MGAM: variants seen among roughly 807,000 people sequenced by gnomAD.
The protein encoded by MGAM is maltase-glucoamylase, also known as alpha-1,4-glucosidase.
Under a neutral mutation model 358.8 loss-of-function variants are expected in MGAM, and 253 were observed. That is an observed-to-expected ratio of 0.71 (90% CI 0.64 to 0.78). The LOEUF (loss-of-function observed/expected upper bound fraction) is 0.78, where lower values mean the gene tolerates loss of function less well. Ranked by LOEUF, MGAM falls within the 30% of genes least tolerant of loss-of-function variation. MGAM has a pLI of 0.00. For synonymous variants in MGAM, 1,105 were observed against 1,227.1 expected (o/e 0.90, Z 2.08); for missense variants, 3,080 against 3,432.6 (o/e 0.90, Z 2.57).
intron 16 of MGAM, 34 bp downstream of exon 16, chr7:142,034,875 G>A: frequency 6.3e-7 from 1 of 1,577,498 alleles, no homozygotes; most frequent in South Asian, 1.1e-5. Context: ...TTATGAACCT[G>A]AATTCCCAGG....
chr7:142,078,999 A>G lies in MGAM; in HGVS notation c.5838A>G (p.Leu1946=), dbSNP rs2129051527. 12 of 1,552,736 alleles carry G rather than the reference A, an allele frequency of 7.7e-6. 2 individuals carry two copies. Among genetic ancestry groups the G allele is most frequent in the East Asian group, 6.8e-5 (3 of 43,906 alleles). ...LDVTYHKNEM[L]QFKIYDPNNN... is the part of the protein sequence containing the mutation. ...TCACTTACCATAAGAATGAAATGCT[A>G]CAGTTCAAGGTAAACACGGTACATA... is the stretch of plus-strand genomic sequence containing the variant. Residue 1946 remains leucine, a synonymous_variant, in exon 49 of 71, where the codon CTA becomes CTG. Coordinates refer to ENST00000475668, the MANE Select transcript of MGAM (RefSeq NM_001365693.1).
intron 24 of MGAM, among the ~76,000 whole-genome samples, chr7:142,051,512 T>C (rs1810948649): frequency 1.3e-5 from 2 of 152,126 alleles, no homozygotes; most frequent in Admixed American, 6.5e-5. Flanking sequence ...TTTAAAGAAG[T>C]GTCAAGATAA....
At chr7:142,022,867 A>C (rs146862808) in intron 7 of MGAM, among the ~76,000 whole-genome samples, 5 of 152,328 alleles carry the variant, frequency 3.3e-5, no homozygotes, top group African/African-American at 1.2e-4. Flanking sequence ...CAGGTTTATC[A>C]TCACAATAGG....
chr7:142,017,888 A>G (rs79308131), intron 3 of MGAM, among the ~76,000 whole-genome samples: 2 of 152,018 alleles, frequency 1.3e-5, no homozygotes, highest in African/African-American at 2.4e-5. Context: ...CAGAGTATAG[A>G]AAAAAAAGAA....
intron 34 of MGAM, 90 bp downstream of exon 34, chr7:142,060,463 C>T: frequency 6.8e-7 from 1 of 1,476,772 alleles, no homozygotes. Flanking sequence ...GTACCGTGGA[C>T]ATGGGCTTGG....
At chr7:142,094,921 C>A in intron 63 of MGAM, 58 bp downstream of exon 63, 1 of 1,556,074 alleles carries the variant, frequency 6.4e-7, no homozygotes, top group Non-Finnish European at 8.8e-7. Context: ...CCATTTCTGA[C>A]CTAAAGTTAA....
At chr7:142,088,441 G>A (rs1710999396) in intron 57 of MGAM, among the ~76,000 whole-genome samples, 1 of 142,956 alleles carries the variant, frequency 7.0e-6, no homozygotes, top group African/African-American at 2.5e-5. Context: ...ACCCATCTAT[G>A]TATGTATGTA....
In MGAM at chr7:142,046,054, T is replaced by A. The variant is rs1290376219; in HGVS notation, c.2499-1731T>A. Among the ~76,000 whole-genome samples the A allele has an allele frequency of 2.1e-5, 3 of 141,386 alleles. 1 individual carries two copies. Among genetic ancestry groups the A allele is most frequent in the Admixed American group, 7.3e-5 (1 of 13,732 alleles). 92.8% of individuals were successfully genotyped at this position (141,386 alleles called of 152,430 possible). ...TAATATATATTATATATACATACAA[T>A]ATGTAATATAATATATAATATAGAA... On this transcript the variant is annotated intron_variant, in intron 21 of 70. Coordinates refer to ENST00000475668, the MANE Select transcript of MGAM (RefSeq NM_001365693.1).
rs180938899 is a variant in MGAM at position 142,088,987 on chromosome 7, T to C, written c.6810+2270T>C. 8.5e-3 allele frequency among the ~76,000 whole-genome samples: 828 copies of C among 97,186 alleles called. 41 individuals carry two copies. The highest frequency in any genetic ancestry group is 0.025 in the African/African-American group (774 of 31,346). 63.8% of individuals were successfully genotyped at this position (97,186 alleles called of 152,430 possible). A position where few individuals can be genotyped will look rare whatever the true frequency, so the allele number is the denominator to read the frequency against. ...CTCTATGTATGTATGTATGTATGTA[T>C]GTATGTATGTATCTATCTATCTATC... On this transcript the variant is annotated intron_variant, in intron 57 of 70. Transcript: ENST00000475668.
In MGAM at chr7:142,068,504, G is replaced by T. The variant is rs1195577871; in HGVS notation, c.5005-143G>T. On this transcript the variant is annotated intron_variant, in intron 42 of 70. Transcript: ENST00000475668. The stretch of plus-strand genomic sequence containing the variant: ...GTTTAAAAAAGAAAACAGGAAGAAG[G>T]TTGCCCCAGTTGTTAACCTCTTGGG... 7.8e-6 allele frequency: 5 copies of T among 642,066 alleles called. No individual in the cohort carries two copies. In the East Asian group the frequency reaches 1.4e-4, roughly 18 times the overall value. The allele number at this position is 642,066 out of a possible 1,614,324, so 39.8% of individuals were successfully genotyped here. A position where few individuals can be genotyped will look rare whatever the true frequency, so the allele number is the denominator to read the frequency against.
intron 1 of MGAM, among the ~76,000 whole-genome samples, chr7:141,996,491 T>C (rs190783300): frequency 2.0e-5 from 3 of 152,268 alleles, no homozygotes; most frequent in African/African-American, 7.2e-5. Flanking sequence ...TGTGTGTTTG[T>C]GTGTGTTTCT....
chr7:142,101,295 G>A (rs1816422594), intron 68 of MGAM, among the ~76,000 whole-genome samples: 2 of 151,980 alleles, frequency 1.3e-5, no homozygotes, highest in African/African-American at 4.8e-5. Flanking sequence ...GGAGTTTATA[G>A]GAATTGGTAA....
chr7:142,005,474 CTAGT>C, intron 1 of MGAM, 51 bp from the exon 2 acceptor site: 1 of 1,262,570 alleles, frequency 7.9e-7, no homozygotes, highest in Non-Finnish European at 1.1e-6. Context: ...AAAAATCTTA[CTAGT>C]TATATAGTAA....
chr7:142,085,978 A>C lies in MGAM; in HGVS notation c.6636+17A>C. 1 of 1,558,954 alleles carries C rather than the reference A, an allele frequency of 6.4e-7. No homozygotes were observed. Among genetic ancestry groups the C allele is most frequent in the East Asian group, 2.3e-5 (1 of 43,900 alleles). On this transcript the variant is annotated intron_variant, in intron 55 of 70. Transcript: ENST00000475668. Reference sequence around the variant, plus strand: ...CTCATTCTGGTTAGTCCTGATGTGAATGTGTGCGGTCTGTTTGGGAGCAGG... The same window carrying C: ...CTCATTCTGGTTAGTCCTGATGTGACTGTGTGCGGTCTGTTTGGGAGCAGG...
chr7:142,090,352 C>T (rs1815254861), intron 57 of MGAM, among the ~76,000 whole-genome samples: 1 of 145,490 alleles, frequency 6.9e-6, no homozygotes, highest in East Asian at 2.0e-4. Context: ...TCTAATTCTC[C>T]ATCCCCCACC....
At chr7:142,065,911 C>A in intron 40 of MGAM, 80 bp downstream of exon 40, 5 of 1,062,744 alleles carry the variant, frequency 4.7e-6, no homozygotes, top group Non-Finnish European at 6.8e-6. Context: ...GTAATGCAGT[C>A]TCTATTTCCT....
intron 26 of MGAM, among the ~76,000 whole-genome samples, chr7:142,054,247 G>C (rs576017719): frequency 6.6e-6 from 1 of 152,128 alleles, no homozygotes; most frequent in Non-Finnish European, 1.5e-5. Context: ...TGTGAATTTC[G>C]TAAAACCATA....
intron 7 of MGAM, 74 bp downstream of exon 7, chr7:142,022,513 T>G: frequency 6.8e-7 from 1 of 1,474,300 alleles, no homozygotes; most frequent in South Asian, 1.3e-5. Flanking sequence ...AGTATTACAG[T>G]GTAGTGTTTA....
rs1297285208 is a variant in MGAM, at chr7:142,089,524, C to T, written c.6811-2389C>T. On this transcript the variant is annotated intron_variant, in intron 57 of 70. Coordinates refer to ENST00000475668, the MANE Select transcript of MGAM (RefSeq NM_001365693.1). ...CCATTGAAAGTTATTAAAAGTAGGC[C>T]GGGCATGGTGGCTCATGCCTGCAAT... Among the ~76,000 whole-genome samples, 19 of 146,290 alleles carry T rather than the reference C, an allele frequency of 1.3e-4. 4 individuals carry two copies. Among genetic ancestry groups the T allele is most frequent in the South Asian group, 1.1e-3 (5 of 4,556 alleles).
Sources: gnomAD v4.1 joint callset for allele counts (sites outside exome capture counted in the v4.1 genomes callset) on GRCh38, gnomAD v4.1.1 for gene constraint, MANE v1.5 for transcripts, NCBI Gene and HGNC (gene_info 2026-07-23, HGNC 2026-07-21) for gene names.